CSMD1: variants seen among roughly 807,000 people sequenced by gnomAD.
CSMD1 encodes the protein CUB and Sushi multiple domains 1, also known as CUB and sushi domain-containing protein 1.
CSMD1 carries 213 observed loss-of-function variants against 417.5 expected under a neutral mutation model. The ratio of observed to expected loss-of-function variants is 0.51; its 90% CI spans 0.46 to 0.57. The LOEUF (loss-of-function observed/expected upper bound fraction) is 0.57. Ranked by LOEUF, CSMD1 falls within the 20% of genes least tolerant of loss-of-function variation. CSMD1 has a pLI of 0.00. For missense variants in CSMD1, 6,923 were observed against 4,529.7 expected, an observed-to-expected ratio of 1.53 and a Z score of -15.17; for synonymous variants, 2,862 against 1,736.8, an observed-to-expected ratio of 1.65 and a Z score of -16.11.
chr8:3,237,554 C>G (rs1006914619), intron 26 of CSMD1, among the ~76,000 whole-genome samples: 1 of 142,500 alleles, frequency 7.0e-6, no homozygotes, highest in African/African-American at 2.5e-5. Flanking sequence ...ATAAATAACA[C>G]AACTTTGCAT....
intron 3 of CSMD1, among the ~76,000 whole-genome samples, chr8:4,309,795 T>G (rs1402869711): frequency 6.6e-6 from 1 of 152,134 alleles, no homozygotes; most frequent in Non-Finnish European, 1.5e-5. Context: ...AAACCTCACC[T>G]CCATATAGGT....
At chr8:3,088,660 C>A (rs1814709540) in intron 48 of CSMD1, among the ~76,000 whole-genome samples, 1 of 151,766 alleles carries the variant, frequency 6.6e-6, no homozygotes. Context: ...TTTTTCTTAA[C>A]TGAAAATCCA....
chr8:3,477,707 C>G (rs1232238028), intron 11 of CSMD1, among the ~76,000 whole-genome samples: 1 of 152,172 alleles, frequency 6.6e-6, no homozygotes, highest in Admixed American at 6.5e-5. Flanking sequence ...GGAATTTAAG[C>G]TCTGGAAGGC....
intron 49 of CSMD1, among the ~76,000 whole-genome samples, chr8:3,065,592 C>CGATA (rs200778004): frequency 0.012 from 1,774 of 150,966 alleles, 39 homozygotes; most frequent in African/African-American, 0.041. Flanking sequence ...ATACACAGAT[C>CGATA]GATAGGAAGA....
chr8:3,325,710 G>C (rs1034739645), intron 23 of CSMD1, among the ~76,000 whole-genome samples: 20 of 152,142 alleles, frequency 1.3e-4, no homozygotes, highest in African/African-American at 4.6e-4. Flanking sequence ...TATAATCCCA[G>C]CTACTCGGGA....
At chr8:3,572,002 C>T (rs1192352510) in intron 10 of CSMD1, among the ~76,000 whole-genome samples, 1 of 152,132 alleles carries the variant, frequency 6.6e-6, no homozygotes, top group Non-Finnish European at 1.5e-5. Context: ...GTAGCCCATT[C>T]ATTTGACTTC....
At chr8:3,728,670 G>GAGAAAGTAGAA (rs2129046837) in intron 6 of CSMD1, among the ~76,000 whole-genome samples, 1 of 152,252 alleles carries the variant, frequency 6.6e-6, no homozygotes, top group South Asian at 2.1e-4. Flanking sequence ...GGAACAGAAG[G>GAGAAAGTAGAA]AGAAAGTAGA....
chr8:3,252,631 G>A (rs1800353958), intron 26 of CSMD1, among the ~76,000 whole-genome samples: 1 of 152,178 alleles, frequency 6.6e-6, no homozygotes, highest in Non-Finnish European at 1.5e-5. Context: ...GTTTCAGAAG[G>A]AATGGTAGCA....
intron 1 of CSMD1, among the ~76,000 whole-genome samples, chr8:4,707,074 G>T (rs1354471107): frequency 2.0e-5 from 3 of 152,166 alleles, no homozygotes; most frequent in African/African-American, 7.2e-5. Flanking sequence ...GATTAGGAAA[G>T]ATCACCCTGG....
At chr8:4,939,881 C>T (rs1406334732) in intron 1 of CSMD1, among the ~76,000 whole-genome samples, 1 of 151,070 alleles carries the variant, frequency 6.6e-6, no homozygotes, top group Non-Finnish European at 1.5e-5. Flanking sequence ...ACAATGTATA[C>T]CTATTTCTAT....
intron 2 of CSMD1, among the ~76,000 whole-genome samples, chr8:4,510,408 A>AAAAAAAAAAAAAAAAAAAAAAAAAC: frequency 6.7e-6 from 1 of 148,344 alleles, no homozygotes; most frequent in African/African-American, 2.5e-5. Flanking sequence ...AAAAAAAAAA[A>AAAAAAAAAAAAAAAAAAAAAAAAAC]AAAAAAAAAA....
At chr8:4,642,004 T>A (rs1161019815) in intron 1 of CSMD1, among the ~76,000 whole-genome samples, 2 of 152,142 alleles carry the variant, frequency 1.3e-5, no homozygotes, top group East Asian at 3.9e-4. Context: ...TGTGAACAAT[T>A]TGGATTTGGA....
At chr8:3,124,650 T>G (rs1817394193) in intron 41 of CSMD1, among the ~76,000 whole-genome samples, 1 of 152,150 alleles carries the variant, frequency 6.6e-6, no homozygotes, top group Non-Finnish European at 1.5e-5. Flanking sequence ...CTAAAGTGTG[T>G]GCCCCTTTTC....
At chr8:4,343,612 A>G (rs1052339359) in intron 3 of CSMD1, among the ~76,000 whole-genome samples, 3 of 152,124 alleles carry the variant, frequency 2.0e-5, no homozygotes, top group Admixed American at 2.0e-4. Context: ...AACTAACCCA[A>G]AAAGCAGACT....
intron 17 of CSMD1, among the ~76,000 whole-genome samples, chr8:3,388,813 A>G (rs1159463157): frequency 6.6e-6 from 1 of 152,076 alleles, no homozygotes; most frequent in Non-Finnish European, 1.5e-5. Context: ...GCCAGAGGCA[A>G]CGTGGATATC....
At position 4,642,196 on chromosome 8, in the gene CSMD1, T is replaced by A. The variant is rs540591138; in HGVS notation, c.86-4638A>T. On this transcript the variant is annotated intron_variant, in intron 1 of 69. Transcript: ENST00000635120. ...ACTTGTTCGGGGCCCCGGTGAGCCATGGAGTTGATGGTTGGTTATACAGCA... is the reference window on the plus strand; with the variant it reads ...ACTTGTTCGGGGCCCCGGTGAGCCAAGGAGTTGATGGTTGGTTATACAGCA... Among the ~76,000 whole-genome samples, 3 of 152,288 alleles carry A rather than the reference T, an allele frequency of 2.0e-5. No individual in the cohort carries two copies. In the South Asian group the frequency reaches 6.2e-4, roughly 32 times the overall value.
intron 5 of CSMD1, among the ~76,000 whole-genome samples, chr8:3,892,232 C>G (rs1198576282): frequency 2.0e-5 from 3 of 152,138 alleles, no homozygotes; most frequent in Admixed American, 6.5e-5. Flanking sequence ...GTGCTGAGGT[C>G]AAGCATTTAC....
At chr8:3,778,107 T>C (rs1243210147) in intron 5 of CSMD1, among the ~76,000 whole-genome samples, 2 of 152,200 alleles carry the variant, frequency 1.3e-5, no homozygotes, top group African/African-American at 2.4e-5. Flanking sequence ...CAGAGCATTA[T>C]CTTGAGAAAG....
chr8:3,598,410 G>C (rs948890487), intron 8 of CSMD1: 1 of 152,124 alleles, frequency 6.6e-6, no homozygotes, highest in African/African-American at 2.4e-5. Flanking sequence ...AGGAGAGAAA[G>C]GCAGGGAAAG....
Sources: gnomAD v4.1 joint callset for allele counts (sites outside exome capture counted in the v4.1 genomes callset) on GRCh38, gnomAD v4.1.1 for gene constraint, MANE v1.5 for transcripts, NCBI Gene and HGNC (gene_info 2026-07-23, HGNC 2026-07-21) for gene names.